The following ALOX15 variants were observed in gnomAD, a reference collection of about 807,000 sequenced individuals.
ALOX15 encodes the protein polyunsaturated fatty acid lipoxygenase ALOX15.
In ALOX15, 68 loss-of-function variants were observed where a neutral mutation model predicts 71.7. That is an observed-to-expected ratio of 0.95 (90% CI 0.78 to 1.16). ALOX15 has a LOEUF of 1.16. ALOX15 is among the 50% of genes most tolerant of loss of function. ALOX15 has a pLI of 0.00. For missense variants in ALOX15, 798 were observed against 818.8 expected (o/e 0.97, Z 0.31); for synonymous variants, 346 against 333.3 (o/e 1.04, Z -0.42).
At chr17:4,636,870 A>G (rs1000597015) in intron 7 of ALOX15, among the ~76,000 whole-genome samples, 2 of 150,438 alleles carry the variant, frequency 1.3e-5, no homozygotes, top group Non-Finnish European at 3.0e-5. Flanking sequence ...CACCTCCCCA[A>G]TCCCTCCTGG....
Position 4,638,355 on chromosome 17 carries a change from C to T in ALOX15, c.669G>A (p.Lys223=), listed in dbSNP as rs1023200124. Residue 223 remains lysine (K), a synonymous_variant, in exon 6 of 14, where the codon AAG becomes AAA. Coordinates refer to ENST00000293761, the MANE Select transcript of ALOX15 (RefSeq NM_001140.5). ...ACTGGTACCCAAATAAGGCATCTTC[C>T]TTCCAGGAGTCCCGCACGCGCTCTG... ...KLAERVRDSW[K]EDALFGYQFL... 2 of 947,788 alleles carry T rather than the reference C, an allele frequency of 2.1e-6. No individual in the cohort carries two copies. Among genetic ancestry groups the T allele is most frequent in the Non-Finnish European group, 3.2e-6 (2 of 618,784 alleles). 58.7% of individuals were successfully genotyped at this position (947,788 alleles called of 1,614,324 possible). A position where few individuals can be genotyped will look rare whatever the true frequency, so the allele number is the denominator to read the frequency against.
chr17:4,637,472 G>A (rs562414205), intron 6 of ALOX15, among the ~76,000 whole-genome samples: 23 of 151,990 alleles, frequency 1.5e-4, no homozygotes, highest in African/African-American at 4.1e-4. Context: ...GGATCACCAC[G>A]GCTCACTGCA....
At chr17:4,638,769 C>T (rs1911208336) in intron 4 of ALOX15, 81 bp downstream of exon 4, 1 of 1,612,700 alleles carries the variant, frequency 6.2e-7, no homozygotes, top group African/African-American at 1.3e-5. Context: ...TGGGCCAGTC[C>T]AATGCAGTGC....
chr17:4,635,889 T>C lies in ALOX15; in HGVS notation c.1031A>G (p.Lys344Arg). Residue 344 changes from lysine to arginine, a missense_variant, in exon 8 of 14, where the codon AAA (lysine) becomes AGA (arginine). Around this residue, in one of 3 missense-constraint regions of ALOX15, gnomAD observed 490 missense variants for 509.4 expected, o/e 0.96. Transcript: ENST00000293761. Reference protein sequence around the residue: ...TDPPMAWLLAKCWVRSSDFQL... With the variant: ...TDPPMAWLLARCWVRSSDFQL... The stretch of plus-strand genomic sequence containing the variant: ...GAAGTCAGAGCTGCGCACCCAGCAT[T>C]TGGCCAGAAGCCAGGCCATTGGGGG... The C allele has an allele frequency of 1.2e-6, 2 of 1,614,212 alleles. No homozygotes were observed. The highest frequency in any genetic ancestry group is 1.7e-6 in the Non-Finnish European group (2 of 1,180,034).
intron 7 of ALOX15, among the ~76,000 whole-genome samples, chr17:4,636,558 C>T (rs1911108326): frequency 6.6e-6 from 1 of 152,158 alleles, no homozygotes; most frequent in African/African-American, 2.4e-5. Context: ...TCCCCTCCTC[C>T]TGGGGTCAGT....
chr17:4,634,145 C>A lies in ALOX15; in HGVS notation c.1162-645G>T, dbSNP rs192053318. ...AGCCCCATGACACACAATTTACTTA[C>A]AGAACAAACCTGCCCATGTATCCTT... On this transcript the variant is annotated intron_variant, in intron 8 of 13. Coordinates refer to ENST00000293761, the MANE Select transcript of ALOX15 (RefSeq NM_001140.5). 3.2e-4 allele frequency among the ~76,000 whole-genome samples: 48 copies of A among 152,264 alleles called. 1 individual carries two copies. Among genetic ancestry groups the A allele is most frequent in the Admixed American group, 2.6e-3 (39 of 15,292 alleles).
In ALOX15 at chr17:4,635,853, T is replaced by A; in HGVS notation, c.1067A>T (p.Glu356Val). Residue 356 changes from glutamate to valine, a missense_variant, in exon 8 of 14, where the codon GAG becomes GTG. Around this residue, in one of 3 missense-constraint regions of ALOX15, gnomAD observed 490 missense variants for 509.4 expected, o/e 0.96. Transcript: ENST00000293761. The part of the protein sequence containing the change: ...WVRSSDFQLH[E>V]LQSHLLRGHL... ...TCCCCTCAGAAGATGAGACTGCAGC[T>A]CATGGAGCTGGAAGTCAGAGCTGCG... The A allele has an allele frequency of 6.2e-6, 10 of 1,614,198 alleles. No individual in the cohort carries two copies. Among genetic ancestry groups the A allele is most frequent in the Non-Finnish European group, 8.5e-6 (10 of 1,180,040 alleles).
intron 2 of ALOX15, 66 bp downstream of exon 2, chr17:4,639,364 C>G (rs1911234698): frequency 6.3e-7 from 1 of 1,587,144 alleles, no homozygotes; most frequent in African/African-American, 1.3e-5. Flanking sequence ...CTCTTCTCCA[C>G]ACGCGCATCC....
chr17:4,631,439 TA>T lies in ALOX15; in HGVS notation c.*160del. 2 of 783,626 alleles carry T rather than the reference TA, an allele frequency of 2.6e-6. No homozygotes were observed. The highest frequency in any genetic ancestry group is 2.0e-6 in the Non-Finnish European group (1 of 507,314). 48.5% of individuals were successfully genotyped at this position (783,626 alleles called of 1,614,324 possible). ...AAGGTCCCAGGTGATGCCTCTAGAG[TA>T]AAATGTGTTCACTGGGTGCAGAGAC... On this transcript the variant is annotated 3_prime_UTR_variant, in exon 14 of 14. Coordinates refer to ENST00000293761, the MANE Select transcript of ALOX15 (RefSeq NM_001140.5).
rs1343938091 is a variant in ALOX15 at position 4,637,156 on chromosome 17, T to C, written c.910A>G (p.Lys304Glu). ...QHLAAPLVML[K>E]LQPDGKLLPM... Reference sequence around the variant, plus strand: ...AAGAGTTTCCCATCAGGCTGCAATTTCAGCATGACTAGAGGGGCAGCCAGG... The same window carrying C: ...AAGAGTTTCCCATCAGGCTGCAATTCCAGCATGACTAGAGGGGCAGCCAGG... Residue 304 changes from lysine to glutamate, a missense_variant, in exon 7 of 14, where the codon AAA (lysine) becomes GAA (glutamate). Coordinates refer to ENST00000293761, the MANE Select transcript of ALOX15 (RefSeq NM_001140.5). 1 of 1,613,670 alleles carries C rather than the reference T, an allele frequency of 6.2e-7. No homozygotes were observed. Among genetic ancestry groups the C allele is most frequent in the Non-Finnish European group, 8.5e-7 (1 of 1,179,834 alleles).
Position 4,639,477 on chromosome 17 carries a change from T to C in ALOX15, c.290A>G (p.Tyr97Cys). The C allele has an allele frequency of 6.2e-7, 1 of 1,613,770 alleles. No individual in the cohort carries two copies. Among genetic ancestry groups the C allele is most frequent in the Non-Finnish European group, 8.5e-7 (1 of 1,180,002 alleles). The change falls in exon 2 of 14, where the codon TAC becomes TGC. Residue 97 changes from tyrosine (Y) to cysteine (C), a missense_variant. Tyr to Cys is a radical substitution (Grantham distance 194). Around this residue, in one of 3 missense-constraint regions of ALOX15, gnomAD observed 300 missense variants for 283.1 expected, o/e 1.06. Coordinates refer to ENST00000293761, the MANE Select transcript of ALOX15 (RefSeq NM_001140.5). ...GACGCCGTTGCCCTCCACCCAGCGG[T>C]AACAAGGGAACCTGACCTCGTCCCC... The part of the protein sequence containing the change: ...GAGDEVRFPC[Y>C]RWVEGNGVLS...
chr17:4,633,247 G>A lies in ALOX15; in HGVS notation c.1317C>T (p.Ser439=). ...CCAAGTCATCAGGGGGACAGAAGGA[G>A]CTGTAGGTTAGGAAGGCTCCAGCTT... The part of the protein sequence containing the change: ...LKQAGAFLTY[S]SFCPPDDLAD... Residue 439 remains serine (S), a synonymous_variant, in exon 10 of 14, where the codon AGC becomes AGT. Transcript: ENST00000293761. 6.2e-7 allele frequency: 1 copy of A among 1,614,208 alleles called. No individual in the cohort carries two copies. The highest frequency in any genetic ancestry group is 8.5e-7 in the Non-Finnish European group (1 of 1,180,040).
chr17:4,637,740 C>T (rs1406579566), intron 6 of ALOX15, among the ~76,000 whole-genome samples: 1 of 152,040 alleles, frequency 6.6e-6, no homozygotes, highest in African/African-American at 2.4e-5. Context: ...TTGAATGAGC[C>T]TCAATTTTAC....
rs781486371 is a variant in ALOX15 at position 4,638,953 on chromosome 17, C to T, written c.439G>A (p.Gly147Arg). Residue 147 changes from glycine (G) to arginine (R), a missense_variant, in exon 4 of 14, where the codon GGG becomes AGG. This residue lies in a region of ALOX15 where 300 missense variants were observed against 283.1 expected (regional missense o/e 1.06). Transcript: ENST00000293761. ...GCCCCAGCCATATTCAGAATTAACC[C>T]GTCCTTCCAGTTTCCCCACCTGTGG... ...KLYRWGNWKD[G>R]LILNMAGAKL... is the part of the protein sequence containing the mutation. 3.7e-6 allele frequency: 6 copies of T among 1,614,112 alleles called. No homozygotes were observed. The East Asian group carries it at 1.1e-4, about 30-fold the overall frequency.
rs1287827459 is a variant in ALOX15 at position 4,637,026 on chromosome 17, CT to C, written c.951+88del. On this transcript the variant is annotated intron_variant, in intron 7 of 13. Coordinates refer to ENST00000293761, the MANE Select transcript of ALOX15 (RefSeq NM_001140.5). ...TCTCCCAGGTGCCTTAGCCCAGTGC[CT>C]TTGCAGATGGTGCTCAGTAAATTTT... is the stretch of plus-strand genomic sequence containing the variant. 11 of 1,499,476 alleles carry C rather than the reference CT, an allele frequency of 7.3e-6. No homozygotes were observed. In the East Asian group the frequency reaches 2.5e-4, roughly 34 times the overall value. The allele number at this position is 1,499,476 out of a possible 1,614,324, so 92.9% of individuals were successfully genotyped here. A position where few individuals can be genotyped will look rare whatever the true frequency, so the allele number is the denominator to read the frequency against.
chr17:4,633,861 C>G (rs11568124), intron 8 of ALOX15, among the ~76,000 whole-genome samples: 2,073 of 152,260 alleles, frequency 0.014, 44 homozygotes, highest in African/African-American at 0.046. Flanking sequence ...TGAAGAAGAA[C>G]AAGATCATGT....
chr17:4,632,756 A>C lies in ALOX15; in HGVS notation c.1540+105T>G. 1.9e-6 allele frequency: 3 copies of C among 1,560,212 alleles called. No individual in the cohort carries two copies. In the Admixed American group the frequency reaches 5.3e-5, roughly 28 times the overall value. On this transcript the variant is annotated intron_variant, in intron 11 of 13. Transcript: ENST00000293761. Reference sequence around the variant, plus strand: ...ATCTGAGAAGGCCTCTGGAGTTCTCATAGGTGTTGAAAATGCTTCTGGGAG... The same window carrying C: ...ATCTGAGAAGGCCTCTGGAGTTCTCCTAGGTGTTGAAAATGCTTCTGGGAG...
At chr17:4,639,272 C>T in intron 2 of ALOX15, 140 bp from the exon 3 acceptor site, 1 of 1,389,316 alleles carries the variant, frequency 7.2e-7, no homozygotes. Context: ...GCTCCAGCCA[C>T]TTTGTGCCAG....
rs773783856 is a variant in ALOX15, at chr17:4,639,059, C to T, written c.411G>A (p.Lys137=). Residue 137 remains lysine, a synonymous_variant, in exon 3 of 14, where the codon AAG becomes AAA. Transcript: ENST00000293761. ...HREEELEERR[K]LYRWGNWKDG... The stretch of plus-strand genomic sequence containing the variant: ...AGGGGAGGAGGGCTCACCGGTACAA[C>T]TTCCTTCTCTCTTCCAGCTCTTCTT... The T allele has an allele frequency of 1.2e-6, 2 of 1,614,240 alleles. No individual in the cohort carries two copies. Among genetic ancestry groups the T allele is most frequent in the Admixed American group, 3.3e-5 (2 of 60,028 alleles).
Sources: gnomAD v4.1 joint callset for allele counts (sites outside exome capture counted in the v4.1 genomes callset) on GRCh38, gnomAD v4.1.1 for gene constraint, gnomAD v4.1.1 regional missense constraint, MANE v1.5 for transcripts, NCBI Gene and HGNC (gene_info 2026-07-23, HGNC 2026-07-21) for gene names.